C13orf46: variants seen among roughly 807,000 people sequenced by gnomAD.
C13orf46 encodes chromosome 13 open reading frame 46.
chr13:113,939,261 G>T, the C13orf46 span, among the ~76,000 whole-genome samples: 1 of 152,206 alleles, frequency 6.6e-6, no homozygotes, highest in Non-Finnish European at 1.5e-5. Flanking sequence ...CCCCGGTGAT[G>T]CCAGAAGCCA....
the C13orf46 span, among the ~76,000 whole-genome samples, chr13:113,946,351 GAC>G: frequency 6.6e-6 from 1 of 152,182 alleles, no homozygotes; most frequent in Non-Finnish European, 1.5e-5. Context: ...GGTTTCCCAG[GAC>G]CCTCGGGGGG....
At chr13:113,953,510 T>C (rs2052498033), downstream of C13orf46, among the ~76,000 whole-genome samples, 2 of 151,972 alleles carry the variant, frequency 1.3e-5, no homozygotes, top group Non-Finnish European at 2.9e-5. Context: ...TACCCTGGGT[T>C]TGAGGAAATG....
At chr13:113,961,195 A>G (rs895318273) in intron 6 of C13orf46, among the ~76,000 whole-genome samples, 1 of 152,232 alleles carries the variant, frequency 6.6e-6, no homozygotes, top group Non-Finnish European at 1.5e-5. Context: ...GTAAAACTCT[A>G]TGGGTAGCAT....
At chr13:113,947,141 C>A in the C13orf46 span, among the ~76,000 whole-genome samples, 1 of 152,126 alleles carries the variant, frequency 6.6e-6, no homozygotes, top group South Asian at 2.1e-4. Flanking sequence ...GGGCCTTTGG[C>A]CCTGGAAAAG....
the C13orf46 span, chr13:113,928,564 C>CCTCGGGA: frequency 1.3e-5 from 2 of 152,560 alleles, no homozygotes; most frequent in African/African-American, 4.8e-5. Flanking sequence ...CACACCCCAC[C>CCTCGGGA]CTCGCTGCAT....
At chr13:113,963,509 C>G (rs2052607910) in intron 6 of C13orf46, among the ~76,000 whole-genome samples, 1 of 144,748 alleles carries the variant, frequency 6.9e-6, no homozygotes. Flanking sequence ...CCCCTGTCCT[C>G]AGCCTCGCCC....
intron 6 of C13orf46, among the ~76,000 whole-genome samples, chr13:113,963,144 G>A (rs2052600807): frequency 6.6e-6 from 1 of 152,132 alleles, no homozygotes; most frequent in African/African-American, 2.4e-5. Context: ...CCGCTTGGCA[G>A]GTACAGCTGC....
chr13:113,966,184 T>TGATGGC lies in C13orf46; in HGVS notation c.504+1156_504+1157insGCCATC, dbSNP rs1555318219. On this transcript the variant is annotated intron_variant, in intron 5 of 6. Transcript: ENST00000636427. ...ATAGTGGTGATGGTGATGATGATGA[T>TGATGGC]GGTGATGATGGTCATGATGATGGTG... Among the ~76,000 whole-genome samples the TGATGGC allele has an allele frequency of 1.5e-4, 22 of 144,528 alleles. No homozygotes were observed. In the East Asian group the frequency reaches 2.3e-3, roughly 15 times the overall value. The allele number at this position is 144,528 out of a possible 152,430, so 94.8% of individuals were successfully genotyped here. A position where few individuals can be genotyped will look rare whatever the true frequency, so the allele number is the denominator to read the frequency against.
intron 5 of C13orf46, among the ~76,000 whole-genome samples, chr13:113,966,573 AGTGATAGTGGTGATGGTGATGATGATG>A (rs1173794126): frequency 2.5e-4 from 35 of 141,406 alleles, no homozygotes; most frequent in Admixed American, 1.6e-3. Context: ...TGATGGTGAT[AGTGATAGTGGTGATGGTGATGATGATG>A]GTGACAGTGA....
intron 6 of C13orf46, among the ~76,000 whole-genome samples, chr13:113,961,932 T>C (rs1316544649): frequency 6.6e-6 from 1 of 152,020 alleles, no homozygotes; most frequent in Non-Finnish European, 1.5e-5. Context: ...CTGTGGCTAC[T>C]CTGGAACTAT....
chr13:113,944,427 G>C, the C13orf46 span, among the ~76,000 whole-genome samples: 1 of 152,246 alleles, frequency 6.6e-6, no homozygotes, highest in Non-Finnish European at 1.5e-5. Flanking sequence ...TACCTGCTCC[G>C]ATGGGGAGAA....
At chr13:113,953,138 C>A (rs1297927760), downstream of C13orf46, among the ~76,000 whole-genome samples, 1 of 152,336 alleles carries the variant, frequency 6.6e-6, no homozygotes, top group African/African-American at 2.4e-5. Flanking sequence ...CGGCCTGGCA[C>A]AAGGCAGCCC....
At chr13:113,969,698 G>A (rs984124793) in intron 2 of C13orf46, among the ~76,000 whole-genome samples, 1 of 152,356 alleles carries the variant, frequency 6.6e-6, no homozygotes, top group East Asian at 1.9e-4. Flanking sequence ...CCAGAGCTGG[G>A]TTAGAACGGG....
chr13:113,948,030 C>T, the C13orf46 span, among the ~76,000 whole-genome samples: 6 of 152,366 alleles, frequency 3.9e-5, no homozygotes, highest in South Asian at 1.2e-3. Flanking sequence ...CTCAGGCTGA[C>T]CCATGAAAAG....
chr13:113,968,113 C>T (rs1433948536), intron 4 of C13orf46, among the ~76,000 whole-genome samples: 1 of 152,208 alleles, frequency 6.6e-6, no homozygotes, highest in Non-Finnish European at 1.5e-5. Flanking sequence ...CACGGTGCCA[C>T]GTGAGAACCC....
the C13orf46 span, among the ~76,000 whole-genome samples, chr13:113,939,938 G>A: frequency 6.6e-6 from 1 of 152,212 alleles, no homozygotes; most frequent in Non-Finnish European, 1.5e-5. Flanking sequence ...AGGATGAAAG[G>A]AAGTGCCGCT....
intron 1 of C13orf46, among the ~76,000 whole-genome samples, chr13:113,972,506 G>GGGAGC (rs1313595211): frequency 3.3e-5 from 5 of 152,174 alleles, no homozygotes; most frequent in Non-Finnish European, 5.9e-5. Context: ...GGGAGGGGAG[G>GGGAGC]GGAGCGCCAG....
chr13:113,959,539 CGT>C (rs2138981118), intron 6 of C13orf46, among the ~76,000 whole-genome samples: 1 of 152,212 alleles, frequency 6.6e-6, no homozygotes, highest in East Asian at 1.9e-4. Flanking sequence ...GCCCAGCAGG[CGT>C]GTGACACATG....
chr13:113,932,264 T>C, the C13orf46 span, among the ~76,000 whole-genome samples: 1 of 152,256 alleles, frequency 6.6e-6, no homozygotes, highest in Non-Finnish European at 1.5e-5. Flanking sequence ...CAGACATGTC[T>C]GGGTCACATG....
Sources: allele counts gnomAD v4.1 joint callset (sites outside exome capture counted in the v4.1 genomes callset), GRCh38; gene constraint gnomAD v4.1.1; transcripts MANE v1.5; gene names NCBI Gene and HGNC (gene_info 2026-07-23, HGNC 2026-07-21).